Variants in CHID1 observed in about 807,000 individuals in gnomAD.
CHID1 encodes chitinase domain containing 1, also known as chitinase domain-containing protein 1.
Under a neutral mutation model 55.4 loss-of-function variants are expected in CHID1, and 44 were observed. That is an observed-to-expected ratio of 0.79 (90% CI 0.62 to 1.02). The LOEUF is 1.02. Ranked by LOEUF, CHID1 falls within the 50% of genes least tolerant of loss-of-function variation. The probability of loss-of-function intolerance (pLI) is 0.00; values close to 1 mark genes in which losing one functional copy is unlikely to be tolerated. For missense variants in CHID1, 491 were observed against 515.3 expected (o/e 0.95, Z 0.46); for synonymous variants, 216 against 212.9 (o/e 1.01, Z -0.13).
Position 899,381 on chromosome 11 carries a change from G to A in CHID1, c.567C>T (p.Phe189=), listed in dbSNP as rs762359264. ...QVAKNQHFDG[F]VVEVWNQLLS... ...GCAGCTGGTTCCAGACCTCCACCAC[G>A]AAGCCATCGAAATGCTGGTTCTGAA... is the stretch of plus-strand genomic sequence containing the variant. Residue 189 remains phenylalanine, a synonymous_variant, in exon 7 of 13, where the codon TTC becomes TTT. Coordinates refer to ENST00000323578, the MANE Select transcript of CHID1 (RefSeq NM_023947.4). 2.5e-6 allele frequency: 4 copies of A among 1,604,008 alleles called. No homozygotes were observed. The highest frequency in any genetic ancestry group is 2.7e-5 in the African/African-American group (2 of 74,828).
chr11:885,105 G>A (rs552210239), intron 8 of CHID1, among the ~76,000 whole-genome samples: 22 of 152,352 alleles, frequency 1.4e-4, no homozygotes, highest in African/African-American at 5.3e-4. Context: ...GGAGCAGCAT[G>A]CACTGAAGTG....
chr11:913,141 G>GCC (rs571704652), upstream of CHID1, among the ~76,000 whole-genome samples: 403 of 145,058 alleles, frequency 2.8e-3, 2 homozygotes, highest in African/African-American at 8.4e-3. Context: ...CAGGAAAATT[G>GCC]CCCCCCCCCG....
intron 12 of CHID1, 70 bp downstream of exon 12, chr11:870,051 C>T (rs1849059433): frequency 3.1e-6 from 5 of 1,609,444 alleles, no homozygotes; most frequent in Non-Finnish European, 4.2e-6. Flanking sequence ...GCCTGGACCC[C>T]AGGCCAGTGC....
At chr11:890,305 G>A (rs1001361785) in intron 8 of CHID1, among the ~76,000 whole-genome samples, 72 of 152,374 alleles carry the variant, frequency 4.7e-4, no homozygotes, top group African/African-American at 1.7e-3. Context: ...GCAGGTGGGC[G>A]ACGGGAGCAG....
chr11:888,453 C>G (rs1045044901), intron 8 of CHID1, among the ~76,000 whole-genome samples: 5 of 152,216 alleles, frequency 3.3e-5, no homozygotes, highest in African/African-American at 1.2e-4. Context: ...CAGACACATG[C>G]GAGAGCCGGC....
intron 8 of CHID1, among the ~76,000 whole-genome samples, chr11:886,145 C>T (rs796685740): frequency 2.2e-4 from 20 of 91,994 alleles, no homozygotes; most frequent in African/African-American, 6.6e-4. Context: ...AGCAAGACTC[C>T]GTCTCAAAAA....
chr11:883,018 C>T (rs1311986837), intron 10 of CHID1, 130 bp downstream of exon 10: 1 of 1,043,772 alleles, frequency 9.6e-7, no homozygotes, highest in African/African-American at 1.6e-5. Context: ...CTGGCCCAGC[C>T]CCTATCTCTG....
intron 2 of CHID1, 79 bp from the exon 3 acceptor site, chr11:903,190 T>C: frequency 6.9e-7 from 1 of 1,440,498 alleles, no homozygotes; most frequent in East Asian, 2.3e-5. Context: ...AGCAAGTCCC[T>C]TCCATTCAGC....
chr11:904,762 T>G lies in CHID1; in HGVS notation c.55A>C (p.Thr19Pro). 1 of 1,614,080 alleles carries G rather than the reference T, an allele frequency of 6.2e-7. No individual in the cohort carries two copies. Among genetic ancestry groups the G allele is most frequent in the Non-Finnish European group, 8.5e-7 (1 of 1,180,022 alleles). Residue 19 changes from threonine to proline, a missense_variant, in exon 2 of 13, where the codon ACT becomes CCT. Transcript: ENST00000323578. ...TTGGCATCTGACTTTGACAGGGTAG[T>G]GTGAACAGGGCTGCAGGCCAGGGCA... ...WLALACSPVHTTLSKSDAKKA... is the reference protein window; with the variant it reads ...WLALACSPVHPTLSKSDAKKA...
Position 892,618 on chromosome 11 carries a change from G to T in CHID1, c.701+809C>A, listed in dbSNP as rs543105081. ...TAAGCACTGCCTGCCCCAGCTCCAGGGGAGGAACCTGGCCACGACAGCAGG... is the reference window on the plus strand; with the variant it reads ...TAAGCACTGCCTGCCCCAGCTCCAGTGGAGGAACCTGGCCACGACAGCAGG... On this transcript the variant is annotated intron_variant, in intron 8 of 12. Coordinates refer to ENST00000323578, the MANE Select transcript of CHID1 (RefSeq NM_023947.4). Among the ~76,000 whole-genome samples the T allele has an allele frequency of 1.2e-4, 19 of 152,336 alleles. 1 individual carries two copies. Among genetic ancestry groups the T allele is most frequent in the Non-Finnish European group, 2.4e-4 (16 of 68,034 alleles).
intron 7 of CHID1, among the ~76,000 whole-genome samples, 195 bp from the exon 8 acceptor site, chr11:893,714 G>T (rs572751199): frequency 1.3e-5 from 2 of 152,116 alleles, no homozygotes; most frequent in Non-Finnish European, 2.9e-5. Flanking sequence ...TCATGCCCCA[G>T]TGGGCCCCCT....
chr11:879,735 A>G (rs1367172211), intron 10 of CHID1, among the ~76,000 whole-genome samples: 1 of 152,232 alleles, frequency 6.6e-6, no homozygotes, highest in Non-Finnish European at 1.5e-5. Context: ...CAAAAGCCCA[A>G]CCAGAATTGA....
At chr11:871,719 T>C (rs1195432311) in intron 10 of CHID1, among the ~76,000 whole-genome samples, 5 of 152,192 alleles carry the variant, frequency 3.3e-5, no homozygotes, top group South Asian at 4.1e-4. Context: ...AGTAGGCAAC[T>C]GCAGGGGCGC....
Position 870,769 on chromosome 11 carries a change from C to T in CHID1, c.960-270G>A, listed in dbSNP as rs1041653718. 4 of 417,308 alleles carry T rather than the reference C, an allele frequency of 9.6e-6. No homozygotes were observed. In the South Asian group the frequency reaches 1.1e-4, roughly 11 times the overall value. The allele number at this position is 417,308 out of a possible 1,614,324, so 25.9% of individuals were successfully genotyped here. ...CCTTTCAGTGGCCTGGAGAGTGACA[C>T]GGGGCCTGAAACTGCCTGAGCCTGA... is the stretch of plus-strand genomic sequence containing the variant. On this transcript the variant is annotated intron_variant, in intron 10 of 12. Coordinates refer to ENST00000323578, the MANE Select transcript of CHID1 (RefSeq NM_023947.4).
intron 1 of CHID1, among the ~76,000 whole-genome samples, chr11:906,019 T>TA (rs1852185454): frequency 6.6e-6 from 1 of 152,152 alleles, no homozygotes; most frequent in South Asian, 2.1e-4. Flanking sequence ...GACATTCCAG[T>TA]AAAAAATGTC....
intron 10 of CHID1, 73 bp downstream of exon 10, chr11:883,073 ACT>A (rs1402482157): frequency 3.4e-6 from 5 of 1,464,634 alleles, no homozygotes; most frequent in Non-Finnish European, 4.7e-6. Context: ...CCTCCCCATC[ACT>A]CTGTCTCCTT....
At chr11:912,698 G>T (rs867505954), upstream of CHID1, among the ~76,000 whole-genome samples, 1 of 152,034 alleles carries the variant, frequency 6.6e-6, no homozygotes, top group Non-Finnish European at 1.5e-5. Context: ...CGAAAAATTA[G>T]CCGGGCGTAG....
intron 12 of CHID1, 29 bp from the exon 13 acceptor site, chr11:869,985 G>T: frequency 6.2e-7 from 1 of 1,606,586 alleles, no homozygotes; most frequent in South Asian, 1.1e-5. Flanking sequence ...GTGAGCACCT[G>T]CTGGGGCCTG....
intron 7 of CHID1, among the ~76,000 whole-genome samples, chr11:896,198 A>C (rs1443409335): frequency 4.5e-5 from 4 of 88,706 alleles, no homozygotes; most frequent in African/African-American, 1.0e-4. Flanking sequence ...CTGTCTCAGC[A>C]CCCCCAGCCT....
Sources: allele counts gnomAD v4.1 joint callset (sites outside exome capture counted in the v4.1 genomes callset), GRCh38; gene constraint gnomAD v4.1.1; transcripts MANE v1.5; gene names NCBI Gene and HGNC (gene_info 2026-07-23, HGNC 2026-07-21).